Variants in ASTN2 observed in about 807,000 individuals in gnomAD.
ASTN2 encodes the protein astrotactin 2.
ASTN2 carries 54 observed loss-of-function variants against 139.8 expected under a neutral mutation model. The ratio of observed to expected loss-of-function variants is 0.39; its 90% CI spans 0.31 to 0.48. The LOEUF is 0.48. Among genes scored for constraint, ASTN2 ranks in the 20% least tolerant of loss-of-function variants. The pLI is 0.95. For synonymous variants in ASTN2, 756 were observed against 719.5 expected (o/e 1.05, Z -0.81); for missense variants, 1,565 against 1,725.1 (o/e 0.91, Z 1.64).
intron 1 of ASTN2, among the ~76,000 whole-genome samples, chr9:117,345,201 T>C (rs1230783202): frequency 1.3e-5 from 2 of 152,164 alleles, no homozygotes; most frequent in African/African-American, 4.8e-5. Context: ...ACTCATGCTT[T>C]GTTTTATTAT....
intron 2 of ASTN2, among the ~76,000 whole-genome samples, chr9:117,231,527 A>C (rs1277216940): frequency 6.6e-6 from 1 of 152,250 alleles, no homozygotes; most frequent in Non-Finnish European, 1.5e-5. Context: ...ATAAAACAAA[A>C]TAATCGATAC....
intron 19 of ASTN2, chr9:116,611,715 A>C (rs913926121): frequency 6.6e-6 from 1 of 152,174 alleles, no homozygotes; most frequent in African/African-American, 2.4e-5. Context: ...AGAAACAGAT[A>C]ATCTAAGTAA....
chr9:117,303,176 A>G (rs1214585979), intron 1 of ASTN2, among the ~76,000 whole-genome samples: 2 of 152,170 alleles, frequency 1.3e-5, no homozygotes, highest in Non-Finnish European at 2.9e-5. Context: ...CTAGATCATA[A>G]GAGTCTTCTG....
chr9:116,770,403 G>A (rs571414420), intron 13 of ASTN2, among the ~76,000 whole-genome samples: 47 of 152,264 alleles, frequency 3.1e-4, no homozygotes, highest in Admixed American at 7.8e-4. Flanking sequence ...TGCTGAGTGC[G>A]GGTTATGTGC....
At chr9:117,327,491 G>T (rs919414703) in intron 1 of ASTN2, among the ~76,000 whole-genome samples, 3 of 152,136 alleles carry the variant, frequency 2.0e-5, no homozygotes, top group Non-Finnish European at 4.4e-5. Flanking sequence ...AGCCATTGGA[G>T]GCAGGCTGAA....
At position 117,179,402 on chromosome 9, in the gene ASTN2, G is replaced by A. The variant is rs549684515; in HGVS notation, c.1015+34956C>T. On this transcript the variant is annotated intron_variant, in intron 3 of 22. Transcript: ENST00000313400. ...TCTATATATAGTCATCTTGAGATAA[G>A]TAACCCAGCTTGTTGCCGTTTCCAT... 5.9e-5 allele frequency among the ~76,000 whole-genome samples: 9 copies of A among 152,138 alleles called. No homozygotes were observed. The East Asian group carries it at 1.7e-3, about 29-fold the overall frequency.
chr9:117,030,020 T>TA (rs11411898), intron 6 of ASTN2, among the ~76,000 whole-genome samples: 53,719 of 151,680 alleles, frequency 0.35, 9,797 homozygotes, highest in Non-Finnish European at 0.41. Context: ...TTTTTAGATT[T>TA]AAAAAAAACG....
At chr9:117,401,027 T>C (rs911879543) in intron 1 of ASTN2, among the ~76,000 whole-genome samples, 1 of 152,200 alleles carries the variant, frequency 6.6e-6, no homozygotes, top group Non-Finnish European at 1.5e-5. Flanking sequence ...GCTTATTTAC[T>C]TTTGTTTATT....
intron 10 of ASTN2, among the ~76,000 whole-genome samples, chr9:116,865,926 G>C (rs543024578): frequency 6.6e-6 from 1 of 152,094 alleles, no homozygotes; most frequent in Non-Finnish European, 1.5e-5. Context: ...CATATACCAG[G>C]CACAATGCTA....
intron 12 of ASTN2, among the ~76,000 whole-genome samples, chr9:116,808,326 GA>G (rs1831083566): frequency 2.7e-5 from 4 of 150,830 alleles, no homozygotes; most frequent in Middle Eastern, 3.4e-3. Flanking sequence ...TGTGTATACA[GA>G]AACATTTCTT....
chr9:117,004,420 A>G (rs1837298135), intron 7 of ASTN2, among the ~76,000 whole-genome samples: 1 of 152,136 alleles, frequency 6.6e-6, no homozygotes, highest in Non-Finnish European at 1.5e-5. Flanking sequence ...CACCTGGCCC[A>G]GTTGGCCTAT....
intron 22 of ASTN2, 135 bp downstream of exon 22, chr9:116,440,474 C>G: frequency 1.3e-6 from 1 of 794,770 alleles, no homozygotes; most frequent in Non-Finnish European, 2.0e-6. Flanking sequence ...CTATCTTTAG[C>G]CTTGACACGA....
At chr9:116,907,886 G>A (rs1834207814) in intron 10 of ASTN2, among the ~76,000 whole-genome samples, 1 of 152,148 alleles carries the variant, frequency 6.6e-6, no homozygotes, top group South Asian at 2.1e-4. Flanking sequence ...CAGCCTTAGA[G>A]GTTCTGTCTT....
chr9:116,995,859 G>A (rs1200833699), intron 7 of ASTN2, among the ~76,000 whole-genome samples: 1 of 151,900 alleles, frequency 6.6e-6, no homozygotes, highest in African/African-American at 2.4e-5. Flanking sequence ...TTTATTTTTA[G>A]ATATAGAGTC....
At chr9:116,998,953 A>G (rs978904548) in intron 7 of ASTN2, among the ~76,000 whole-genome samples, 39 of 152,234 alleles carry the variant, frequency 2.6e-4, no homozygotes, top group Admixed American at 3.3e-4. Context: ...AGCAAATACT[A>G]GAAACAATCT....
intron 16 of ASTN2, among the ~76,000 whole-genome samples, chr9:116,723,639 T>C (rs1246504745): frequency 6.6e-6 from 1 of 152,126 alleles, no homozygotes; most frequent in Non-Finnish European, 1.5e-5. Context: ...TTCTTTCAAC[T>C]CTACAGATGC....
intron 1 of ASTN2, among the ~76,000 whole-genome samples, chr9:117,393,695 C>A (rs913357722): frequency 9.9e-5 from 15 of 152,186 alleles, no homozygotes; most frequent in African/African-American, 3.6e-4. Flanking sequence ...CCGCTCCTGT[C>A]TCGCAGGGAC....
chr9:117,133,882 G>A (rs1829881609), intron 4 of ASTN2, among the ~76,000 whole-genome samples: 1 of 151,330 alleles, frequency 6.6e-6, no homozygotes, highest in Admixed American at 6.6e-5. Flanking sequence ...AGAGGTGGAG[G>A]TAAAAGGAGT....
At position 116,457,085 on chromosome 9, in the gene ASTN2, AGAACACACATTGGGGAAG is replaced by A. The variant is rs548023724; in HGVS notation, c.3498-14550_3498-14533del. ...TAACTCATTTTCAACAAAGGTGCCA[AGAACACACATTGGGGAAG>A]GAACAGTCTCTTCAGTAAATGGTGC... On this transcript the variant is annotated intron_variant, in intron 20 of 22. Coordinates refer to ENST00000313400, the MANE Select transcript of ASTN2 (RefSeq NM_001365068.1). Among the ~76,000 whole-genome samples the A allele has an allele frequency of 2.2e-3, 331 of 152,340 alleles. 1 individual carries two copies. Among genetic ancestry groups the A allele is most frequent in the Admixed American group, 7.3e-3 (111 of 15,290 alleles).
Sources: allele counts gnomAD v4.1 joint callset (sites outside exome capture counted in the v4.1 genomes callset), GRCh38; gene constraint gnomAD v4.1.1; transcripts MANE v1.5; gene names NCBI Gene and HGNC (gene_info 2026-07-23, HGNC 2026-07-21).